The following EYA4 variants were observed in gnomAD, a reference collection of about 807,000 sequenced individuals.
EYA4 encodes EYA transcriptional coactivator and phosphatase 4, also known as protein phosphatase EYA4.
Under a neutral mutation model 87.9 loss-of-function variants are expected in EYA4, and 31 were observed. The ratio of observed to expected loss-of-function variants is 0.35; its 90% CI spans 0.27 to 0.48. EYA4 has a LOEUF of 0.48. EYA4 is among the 20% of genes least tolerant of loss of function. The pLI, the probability that EYA4 is intolerant of heterozygous loss-of-function variation, is 0.99. For missense variants in EYA4, 678 were observed against 761.4 expected, an observed-to-expected ratio of 0.89 and a Z score of 1.29; for synonymous variants, 263 against 270.6, an observed-to-expected ratio of 0.97 and a Z score of 0.28.
chr6:133,435,439 T>G (rs1791567760), intron 3 of EYA4: 1 of 152,606 alleles, frequency 6.6e-6, no homozygotes, highest in African/African-American at 2.4e-5. Flanking sequence ...GGTTCCCATC[T>G]CTGCAGCTGA....
intron 13 of EYA4, among the ~76,000 whole-genome samples, 192 bp downstream of exon 13, chr6:133,483,307 A>G (rs368319195): frequency 1.8e-4 from 28 of 152,200 alleles, no homozygotes; most frequent in African/African-American, 6.8e-4. Context: ...CTAATTATAA[A>G]TTGAATTCCT....
chr6:133,481,555 G>A lies in EYA4; in HGVS notation c.1063G>A (p.Gly355Ser). ...RSSGSKSRGR[G>S]RKNNPSPPPD... The stretch of plus-strand genomic sequence containing the variant: ...TTCTGGGTCAAAGTCCAGAGGAAGA[G>A]GCCGGAAAAATAATCCCTCCCCGCC... The change falls in exon 12 of 20, where the codon GGC becomes AGC. Residue 355 changes from glycine (G) to serine (S), a missense_variant. Transcript: ENST00000355286. 1 of 1,614,034 alleles carries A rather than the reference G, an allele frequency of 6.2e-7. No individual in the cohort carries two copies.
intron 16 of EYA4, among the ~76,000 whole-genome samples, chr6:133,513,500 G>T (rs1227730283): frequency 6.6e-6 from 1 of 152,056 alleles, no homozygotes; most frequent in Non-Finnish European, 1.5e-5. Context: ...ACTTTCAACA[G>T]GTTTATTTTA....
At chr6:133,455,627 A>G (rs571690956) in intron 5 of EYA4, among the ~76,000 whole-genome samples, 97 of 152,214 alleles carry the variant, frequency 6.4e-4, no homozygotes, top group African/African-American at 2.3e-3. Flanking sequence ...TTTCTTCTTT[A>G]TAATTTTCTG....
At chr6:133,273,371 T>A (rs1035361420) in intron 1 of EYA4, among the ~76,000 whole-genome samples, 32 of 151,788 alleles carry the variant, frequency 2.1e-4, no homozygotes, top group African/African-American at 7.5e-4. Flanking sequence ...AGATTAAGGG[T>A]GGATCTGCCT....
At chr6:133,308,037 T>A (rs1377796021) in intron 2 of EYA4, among the ~76,000 whole-genome samples, 1 of 152,168 alleles carries the variant, frequency 6.6e-6, no homozygotes, top group African/African-American at 2.4e-5. Flanking sequence ...ACACGTTCTC[T>A]TGCCTGCTGC....
intron 3 of EYA4, among the ~76,000 whole-genome samples, chr6:133,393,353 A>C (rs938477394): frequency 6.6e-6 from 1 of 152,230 alleles, no homozygotes; most frequent in African/African-American, 2.4e-5. Flanking sequence ...GAGATACGTC[A>C]GTAAACAAAA....
At chr6:133,285,058 G>T (rs139323077) in intron 2 of EYA4, among the ~76,000 whole-genome samples, 1,503 of 150,218 alleles carry the variant, frequency 0.01, 22 homozygotes, top group African/African-American at 0.034. Flanking sequence ...GTGCAGTGGC[G>T]CGAGCTCGGC....
chr6:133,337,348 G>A (rs973649674), intron 2 of EYA4, among the ~76,000 whole-genome samples: 3 of 151,302 alleles, frequency 2.0e-5, no homozygotes, highest in African/African-American at 7.4e-5. Context: ...AATTTTAGGT[G>A]GTAAAAAATG....
intron 1 of EYA4, among the ~76,000 whole-genome samples, chr6:133,254,347 T>A (rs1225582197): frequency 1.3e-5 from 2 of 152,208 alleles, no homozygotes; most frequent in African/African-American, 2.4e-5. Context: ...TTTGTTTGTG[T>A]CAGTGTTTCA....
Position 133,394,282 on chromosome 6 carries a change from G to GTATTTTTTTTTTTTTTTTTT in EYA4, c.83+11842_83+11843insATTTTTTTTTTTTTTTTTTT, listed in dbSNP as rs1562368948. On this transcript the variant is annotated intron_variant, in intron 3 of 19. Transcript: ENST00000355286. ...GTTGGAAAAATGTATATATAAGCTTGTGTTTTTTTTTTTTTTTTTTTTTTT... is the reference window on the plus strand; with the variant it reads ...GTTGGAAAAATGTATATATAAGCTTGTATTTTTTTTTTTTTTTTTTTGTTTTTTTTTTTTTTTTTTTTTTT... Among the ~76,000 whole-genome samples the GTATTTTTTTTTTTTTTTTTT allele has an allele frequency of 4.6e-5, 5 of 107,846 alleles. 2 individuals are homozygous for GTATTTTTTTTTTTTTTTTTT. The highest frequency in any genetic ancestry group is 4.8e-5 in the African/African-American group (1 of 20,806). 70.8% of individuals were successfully genotyped at this position (107,846 alleles called of 152,430 possible). A position where few individuals can be genotyped will look rare whatever the true frequency, so the allele number is the denominator to read the frequency against.
At chr6:133,462,089 T>C (rs1484587125) in intron 7 of EYA4, 1 of 513,104 alleles carries the variant, frequency 1.9e-6, no homozygotes, top group Non-Finnish European at 3.5e-6. Context: ...CTAAATCAAA[T>C]TTCTACTTTT....
chr6:133,524,063 C>T (rs1435924782), intron 18 of EYA4, among the ~76,000 whole-genome samples: 1 of 152,076 alleles, frequency 6.6e-6, no homozygotes, highest in Non-Finnish European at 1.5e-5. Flanking sequence ...TTAAGGAGAG[C>T]CAAGCTTCCG....
At chr6:133,413,812 A>G (rs1789464136) in intron 3 of EYA4, among the ~76,000 whole-genome samples, 1 of 152,110 alleles carries the variant, frequency 6.6e-6, no homozygotes, top group Admixed American at 6.5e-5. Flanking sequence ...TCCCTTGTGC[A>G]CCTTAAACTC....
chr6:133,509,871 A>G (rs1400398055), intron 14 of EYA4, among the ~76,000 whole-genome samples: 2 of 152,202 alleles, frequency 1.3e-5, no homozygotes, highest in Non-Finnish European at 2.9e-5. Flanking sequence ...AATGATTCTT[A>G]CAAAGTTTCT....
chr6:133,349,244 T>G (rs1783449206), intron 2 of EYA4, among the ~76,000 whole-genome samples: 1 of 152,222 alleles, frequency 6.6e-6, no homozygotes, highest in African/African-American at 2.4e-5. Context: ...ATTCCTCAAC[T>G]GCTGGACACT....
chr6:133,397,773 A>T (rs1787925555), intron 3 of EYA4, among the ~76,000 whole-genome samples: 1 of 152,186 alleles, frequency 6.6e-6, no homozygotes, highest in Non-Finnish European at 1.5e-5. Context: ...ATTATGGCGG[A>T]AGGCAAAAGG....
chr6:133,291,683 A>G lies in EYA4; in HGVS notation c.33+16870A>G, dbSNP rs868734147. Among the ~76,000 whole-genome samples, 50 of 152,336 alleles carry G rather than the reference A, an allele frequency of 3.3e-4. 1 individual carries two copies. Among genetic ancestry groups the G allele is most frequent in the Middle Eastern group, 3.4e-3 (1 of 294 alleles). ...CGTTTTCATAAAATGAAAGAGGCAAATAGTGCCAAGGTGCTACCAACTCCA... is the reference window on the plus strand; with the variant it reads ...CGTTTTCATAAAATGAAAGAGGCAAGTAGTGCCAAGGTGCTACCAACTCCA... On this transcript the variant is annotated intron_variant, in intron 2 of 19. Coordinates refer to ENST00000355286, the MANE Select transcript of EYA4 (RefSeq NM_004100.5).
chr6:133,246,080 A>C (rs1409352213), intron 1 of EYA4, among the ~76,000 whole-genome samples: 1 of 152,182 alleles, frequency 6.6e-6, no homozygotes, highest in African/African-American at 2.4e-5. Context: ...TGTTATCAAA[A>C]CCACATTTAT....
Sources: gnomAD v4.1 joint callset for allele counts (sites outside exome capture counted in the v4.1 genomes callset) on GRCh38, gnomAD v4.1.1 for gene constraint, MANE v1.5 for transcripts, NCBI Gene and HGNC (gene_info 2026-07-23, HGNC 2026-07-21) for gene names.